The following MED15 variants were observed in gnomAD, a reference collection of about 807,000 sequenced individuals.
The protein encoded by MED15 is mediator complex subunit 15.
A neutral mutation model predicts 118.7 loss-of-function variants in MED15; 41 were observed. That is an observed-to-expected ratio of 0.35 (90% CI 0.27 to 0.45). The LOEUF (loss-of-function observed/expected upper bound fraction) is 0.45. Among genes scored for constraint, MED15 ranks in the 20% least tolerant of loss-of-function variants. The probability of loss-of-function intolerance (pLI) is 1.00; values close to 1 mark genes in which losing one functional copy is unlikely to be tolerated. For missense variants in MED15, 740 were observed against 1,025.5 expected, an observed-to-expected ratio of 0.72 and a Z score of 3.80; for synonymous variants, 436 against 413.9, an observed-to-expected ratio of 1.05 and a Z score of -0.65.
chr22:20,554,918 G>C lies in MED15; in HGVS notation c.239-18G>C. 1 of 1,586,364 alleles carries C rather than the reference G, an allele frequency of 6.3e-7. No individual in the cohort carries two copies. Among genetic ancestry groups the C allele is most frequent in the Non-Finnish European group, 8.5e-7 (1 of 1,170,068 alleles). On this transcript the variant is annotated intron_variant, in intron 4 of 17. Transcript: ENST00000263205. ...GGTAGGCCCTTTCCTGAGAAGCTCT[G>C]CCCTTGTGTTCCCACAGATCCTATG...
chr22:20,510,967 G>C (rs1182436386), intron 1 of MED15, among the ~76,000 whole-genome samples: 1 of 152,006 alleles, frequency 6.6e-6, no homozygotes, highest in Non-Finnish European at 1.5e-5. Flanking sequence ...AGGTGATGTG[G>C]GTGTTCTCAG....
At chr22:20,531,488 G>A (rs2054860555) in intron 1 of MED15, among the ~76,000 whole-genome samples, 1 of 152,170 alleles carries the variant, frequency 6.6e-6, no homozygotes, top group Non-Finnish European at 1.5e-5. Flanking sequence ...GTTGGAATTT[G>A]AGCCCAGGTC....
intron 5 of MED15, among the ~76,000 whole-genome samples, chr22:20,562,155 C>A (rs923091586): frequency 6.6e-6 from 1 of 151,676 alleles, no homozygotes. Flanking sequence ...AGCAAAATCC[C>A]GTCTCAAAAA....
intron 1 of MED15, chr22:20,508,321 CG>C: frequency 1.5e-6 from 2 of 1,303,812 alleles, no homozygotes; most frequent in Non-Finnish European, 2.0e-6. Flanking sequence ...TGGAGGAGAG[CG>C]TGAAGAGCTG....
chr22:20,577,099 C>G (rs1236344669), intron 9 of MED15, among the ~76,000 whole-genome samples: 1 of 152,160 alleles, frequency 6.6e-6, no homozygotes, highest in East Asian at 1.9e-4. Context: ...AGCATTTAGC[C>G]CCTTTTACAG....
chr22:20,521,837 C>T (rs1283199337), intron 1 of MED15, among the ~76,000 whole-genome samples: 3 of 151,454 alleles, frequency 2.0e-5, no homozygotes, highest in Non-Finnish European at 4.4e-5. Context: ...ATGATTCTCC[C>T]ACCTCGGCCT....
intron 9 of MED15, chr22:20,582,308 C>G (rs1179767003): frequency 2.0e-6 from 1 of 498,720 alleles, no homozygotes; most frequent in Non-Finnish European, 3.6e-6. Context: ...CATTGCCTCC[C>G]AGACTGCCCT....
At chr22:20,537,281 G>A (rs2269831) in intron 2 of MED15, 77 bp downstream of exon 2, 764,687 of 1,329,154 alleles carry the variant, frequency 0.58, 221,493 homozygotes, top group Admixed American at 0.74. Flanking sequence ...GAACCCCTCT[G>A]TTGGGTGTCC....
At position 20,585,274 on chromosome 22, in the gene MED15, G is replaced by A; in HGVS notation, c.2131+7G>A. On this transcript the variant is annotated splice_region_variant and intron_variant, in intron 16 of 17. Transcript: ENST00000263205. Reference sequence around the variant, plus strand: ...CACCTGATCTGCAAGCTGGGTGAGTGTCCAGAGGGCCGGGACTGGTGTGGG... The same window carrying A: ...CACCTGATCTGCAAGCTGGGTGAGTATCCAGAGGGCCGGGACTGGTGTGGG... 1 of 1,612,034 alleles carries A rather than the reference G, an allele frequency of 6.2e-7. No individual in the cohort carries two copies.
intron 1 of MED15, chr22:20,508,245 C>T: frequency 2.3e-6 from 3 of 1,278,374 alleles, no homozygotes; most frequent in South Asian, 1.3e-5. Context: ...AGGGTGACCC[C>T]CCGAAGGAAT....
intron 2 of MED15, among the ~76,000 whole-genome samples, chr22:20,544,438 G>A (rs2055442441): frequency 6.6e-6 from 1 of 152,198 alleles, no homozygotes. Context: ...GGCTGAGGCG[G>A]GCAGATCACA....
At chr22:20,573,758 C>T (rs894968868) in intron 8 of MED15, 2 of 152,244 alleles carry the variant, frequency 1.3e-5, no homozygotes, top group South Asian at 2.1e-4. Context: ...AAGTTTGCTT[C>T]TCTCATACCA....
intron 3 of MED15, 75 bp from the exon 4 acceptor site, chr22:20,553,070 C>A: frequency 7.0e-7 from 1 of 1,425,756 alleles, no homozygotes; most frequent in Non-Finnish European, 9.8e-7. Flanking sequence ...GCCTACAGAA[C>A]TGACCTACCC....
At chr22:20,556,308 T>C (rs112579230) in intron 5 of MED15, among the ~76,000 whole-genome samples, 1 of 151,836 alleles carries the variant, frequency 6.6e-6, no homozygotes, top group East Asian at 1.9e-4. Context: ...ATCAGTTTTT[T>C]TTTTTTTTTT....
intron 1 of MED15, among the ~76,000 whole-genome samples, chr22:20,524,948 A>T (rs549599268): frequency 6.6e-6 from 1 of 152,172 alleles, no homozygotes; most frequent in Non-Finnish European, 1.5e-5. Flanking sequence ...TGGGGGTCCA[A>T]ATTGCTAATA....
chr22:20,516,024 A>T (rs1039681625), intron 1 of MED15, among the ~76,000 whole-genome samples: 15 of 151,824 alleles, frequency 9.9e-5, no homozygotes, highest in Admixed American at 2.0e-4. Context: ...AAAATTAAAA[A>T]TAAATAAGTA....
At chr22:20,568,749 C>T (rs901008438) in intron 8 of MED15, 118 bp downstream of exon 8, 12 of 1,476,954 alleles carry the variant, frequency 8.1e-6, no homozygotes, top group Non-Finnish European at 3.6e-6. Flanking sequence ...GTTGGTAAAG[C>T]AGGGGCTTCT....
intron 5 of MED15, among the ~76,000 whole-genome samples, chr22:20,557,963 G>A (rs1267132201): frequency 8.5e-5 from 13 of 152,152 alleles, no homozygotes; most frequent in South Asian, 2.1e-4. Context: ...AAAATTAGCC[G>A]GGCGTAGTGG....
chr22:20,518,796 ATTTTGAACTT>A (rs1172952644), intron 1 of MED15: 3 of 441,666 alleles, frequency 6.8e-6, no homozygotes, highest in Non-Finnish European at 1.4e-5. Context: ...TGAACTTCTC[ATTTTGAACTT>A]TTTTCCCTCA....
Sources: allele counts gnomAD v4.1 joint callset (sites outside exome capture counted in the v4.1 genomes callset), GRCh38; gene constraint gnomAD v4.1.1; transcripts MANE v1.5; gene names NCBI Gene and HGNC (gene_info 2026-07-23, HGNC 2026-07-21).